SHISA9: variants seen among roughly 807,000 people sequenced by gnomAD.
The protein encoded by SHISA9 is protein shisa-9.
A neutral mutation model predicts 38.0 loss-of-function variants in SHISA9; 13 were observed. That is an observed-to-expected ratio of 0.34 (90% CI 0.22 to 0.54). The LOEUF (loss-of-function observed/expected upper bound fraction) is 0.54. Among genes scored for constraint, SHISA9 ranks in the 20% least tolerant of loss-of-function variants. The probability of loss-of-function intolerance (pLI) is 0.91; values close to 1 mark genes in which losing one functional copy is unlikely to be tolerated. For synonymous variants in SHISA9, 275 were observed against 242.0 expected, an observed-to-expected ratio of 1.14 and a Z score of -1.27; for missense variants, 538 against 575.8, an observed-to-expected ratio of 0.93 and a Z score of 0.67.
At chr16:13,493,644 G>A in the SHISA9 span, among the ~76,000 whole-genome samples, 1 of 152,044 alleles carries the variant, frequency 6.6e-6, no homozygotes, top group Non-Finnish European at 1.5e-5. Flanking sequence ...ACATGGTGGA[G>A]GATGCAACAG....
the SHISA9 span, among the ~76,000 whole-genome samples, chr16:13,287,522 C>T: frequency 6.6e-6 from 1 of 152,162 alleles, no homozygotes; most frequent in African/African-American, 2.4e-5. Context: ...CATTCAGATG[C>T]ATTTGTGAAC....
chr16:12,954,522 A>T (rs1249136117), intron 2 of SHISA9, among the ~76,000 whole-genome samples: 1 of 152,210 alleles, frequency 6.6e-6, no homozygotes, highest in East Asian at 1.9e-4. Context: ...TTATTCCCTC[A>T]GTGCCTCTTG....
At chr16:13,211,652 C>G (rs189533196) in intron 3 of SHISA9, among the ~76,000 whole-genome samples, 2 of 152,142 alleles carry the variant, frequency 1.3e-5, no homozygotes, top group Admixed American at 1.3e-4. Context: ...CTAAATGTTC[C>G]GTAGCCTATA....
the SHISA9 span, among the ~76,000 whole-genome samples, chr16:13,413,494 G>C: frequency 6.6e-6 from 1 of 152,046 alleles, no homozygotes; most frequent in Non-Finnish European, 1.5e-5. Flanking sequence ...AGTGGCTCAC[G>C]CCTGCAATCC....
At chr16:13,249,277 A>C in the SHISA9 span, among the ~76,000 whole-genome samples, 1 of 152,214 alleles carries the variant, frequency 6.6e-6, no homozygotes, top group Admixed American at 6.5e-5. Context: ...CCTGCCAAAA[A>C]TATGAAGAAT....
chr16:13,162,869 T>C (rs999342116), intron 2 of SHISA9, among the ~76,000 whole-genome samples: 1 of 152,180 alleles, frequency 6.6e-6, no homozygotes, highest in African/African-American at 2.4e-5. Context: ...GAAGGGGTTT[T>C]GAGCACATCT....
At chr16:13,217,147 G>A (rs1015939405) in intron 4 of SHISA9, among the ~76,000 whole-genome samples, 1 of 151,534 alleles carries the variant, frequency 6.6e-6, no homozygotes, top group Non-Finnish European at 1.5e-5. Context: ...GAGTGGTGGC[G>A]GGCACCTGTA....
chr16:12,966,870 C>T (rs539744566), intron 2 of SHISA9, among the ~76,000 whole-genome samples: 1 of 152,298 alleles, frequency 6.6e-6, no homozygotes, highest in East Asian at 1.9e-4. Flanking sequence ...TATTCATCTT[C>T]CTGTAGGATA....
intron 2 of SHISA9, among the ~76,000 whole-genome samples, chr16:13,001,682 G>A (rs1218833154): frequency 6.6e-6 from 1 of 152,154 alleles, no homozygotes; most frequent in East Asian, 1.9e-4. Context: ...TCATAAAATA[G>A]TATTCCTAAG....
chr16:13,434,193 C>T, the SHISA9 span, among the ~76,000 whole-genome samples: 1 of 152,172 alleles, frequency 6.6e-6, no homozygotes, highest in Non-Finnish European at 1.5e-5. Flanking sequence ...AGCCAGTCTA[C>T]TCTTTCCACA....
intron 2 of SHISA9, among the ~76,000 whole-genome samples, chr16:13,146,008 C>A (rs1433830775): frequency 2.6e-5 from 4 of 152,170 alleles, no homozygotes; most frequent in Non-Finnish European, 5.9e-5. Context: ...GCCAACATGG[C>A]AAAACCCTGT....
At chr16:13,502,001 C>A in the SHISA9 span, among the ~76,000 whole-genome samples, 185 of 129,060 alleles carry the variant, frequency 1.4e-3, 2 homozygotes, top group Middle Eastern at 4.3e-3. Context: ...AACTCCGTAT[C>A]AAAAAAAAAA....
the SHISA9 span, among the ~76,000 whole-genome samples, chr16:13,390,332 T>C: frequency 6.6e-6 from 1 of 152,192 alleles, no homozygotes; most frequent in Non-Finnish European, 1.5e-5. Context: ...GCAATTGTTT[T>C]ACCCAGTTGC....
chr16:13,504,357 C>T, the SHISA9 span, among the ~76,000 whole-genome samples: 4 of 152,224 alleles, frequency 2.6e-5, no homozygotes, highest in South Asian at 4.2e-4. Context: ...ATTTTCTTTT[C>T]GGAGATTTCC....
intron 2 of SHISA9, among the ~76,000 whole-genome samples, chr16:13,188,549 C>T (rs12325257): frequency 6.6e-6 from 1 of 151,812 alleles, no homozygotes. Context: ...AAGACCCCGT[C>T]TCTACAAAAA....
chr16:13,081,277 G>T (rs546011558), intron 2 of SHISA9, among the ~76,000 whole-genome samples: 28 of 152,308 alleles, frequency 1.8e-4, no homozygotes, highest in African/African-American at 6.5e-4. Flanking sequence ...GAGAGGGAGT[G>T]CCTGGTCTAG....
At chr16:13,382,665 C>T in the SHISA9 span, among the ~76,000 whole-genome samples, 1 of 151,950 alleles carries the variant, frequency 6.6e-6, no homozygotes, top group Non-Finnish European at 1.5e-5. Flanking sequence ...TTGAGACAAG[C>T]TTGACCAACA....
the SHISA9 span, among the ~76,000 whole-genome samples, chr16:13,341,932 C>T: frequency 5.3e-5 from 8 of 152,172 alleles, no homozygotes; most frequent in Non-Finnish European, 8.8e-5. Context: ...AACATCCACC[C>T]AGTTGCCTAA....
the SHISA9 span, among the ~76,000 whole-genome samples, chr16:13,492,817 T>A: frequency 6.6e-6 from 1 of 152,214 alleles, no homozygotes; most frequent in Non-Finnish European, 1.5e-5. Flanking sequence ...GAGATTTGAA[T>A]GACAAGAAAC....
Sources: gnomAD v4.1 joint callset for allele counts (sites outside exome capture counted in the v4.1 genomes callset) on GRCh38, gnomAD v4.1.1 for gene constraint, MANE v1.5 for transcripts, NCBI Gene and HGNC (gene_info 2026-07-23, HGNC 2026-07-21) for gene names.